AFDN: variants seen among roughly 807,000 people sequenced by gnomAD.
AFDN encodes afadin, adherens junction formation factor, also known as afadin.
In AFDN, 68 loss-of-function variants were observed where a neutral mutation model predicts 216.6. The ratio of observed to expected loss-of-function variants is 0.31; its 90% confidence interval spans 0.26 to 0.38. AFDN has a LOEUF of 0.38. AFDN is among the 10% of genes least tolerant of loss of function. The pLI is 1.00. For missense variants in AFDN, 2,136 were observed against 2,342.0 expected (o/e 0.91, Z 1.82); for synonymous variants, 868 against 853.7 (o/e 1.02, Z -0.29).
chr6:167,933,340 C>T (rs1793563325), intron 23 of AFDN, among the ~76,000 whole-genome samples: 1 of 152,160 alleles, frequency 6.6e-6, no homozygotes, highest in Admixed American at 6.5e-5. Flanking sequence ...CATAAGATTC[C>T]TATGCCCTAA....
At chr6:167,895,545 C>T (rs1312199559) in intron 9 of AFDN, among the ~76,000 whole-genome samples, 2 of 152,088 alleles carry the variant, frequency 1.3e-5, no homozygotes, top group South Asian at 2.1e-4. Flanking sequence ...TACCTTTACT[C>T]GATGTCACAG....
In AFDN at chr6:167,891,864, A is replaced by G. The variant is rs1211013481; in HGVS notation, c.1177+835A>G. On this transcript the variant is annotated intron_variant, in intron 8 of 33. Coordinates refer to ENST00000683244, the MANE Select transcript of AFDN (RefSeq NM_001386888.1). ...GTGGTGCACCCCCATCCCAAGCTGC[A>G]TCAAAAGAAAGCCCGAGTAGTAATC... Among the ~76,000 whole-genome samples the G allele has an allele frequency of 5.3e-5, 8 of 152,216 alleles. No homozygotes were observed. In the East Asian group the frequency reaches 1.3e-3, roughly 26 times the overall value.
At chr6:167,919,164 C>G (rs897623185) in intron 21 of AFDN, among the ~76,000 whole-genome samples, 56 of 152,260 alleles carry the variant, frequency 3.7e-4, no homozygotes, top group African/African-American at 1.3e-3. Context: ...AGCATCTGCT[C>G]TGCGCACTTG....
rs1583101844 is a variant in AFDN, at chr6:167,971,315, A to G, written c.*1380A>G. Reference sequence around the variant, plus strand: ...ATTTTCAAAGAGAATGTTCTCTTACATATGTTAGGAAAATAGGCACACTTT... The same window carrying G: ...ATTTTCAAAGAGAATGTTCTCTTACGTATGTTAGGAAAATAGGCACACTTT... On this transcript the variant is annotated 3_prime_UTR_variant, in exon 34 of 34. Coordinates refer to ENST00000683244, the MANE Select transcript of AFDN (RefSeq NM_001386888.1). 4.6e-6 allele frequency: 1 copy of G among 216,202 alleles called. No homozygotes were observed. Among genetic ancestry groups the G allele is most frequent in the East Asian group, 7.0e-5 (1 of 14,312 alleles). 13.4% of individuals were successfully genotyped at this position (216,202 alleles called of 1,614,324 possible).
intron 2 of AFDN, among the ~76,000 whole-genome samples, chr6:167,866,227 T>C (rs1044063959): frequency 7.2e-5 from 11 of 152,154 alleles, no homozygotes; most frequent in African/African-American, 2.7e-4. Context: ...TGAATTTGAT[T>C]TTTTAAAGAA....
intron 23 of AFDN, among the ~76,000 whole-genome samples, chr6:167,939,266 C>G (rs574188108): frequency 1.3e-5 from 2 of 152,292 alleles, no homozygotes; most frequent in African/African-American, 4.8e-5. Context: ...GTCAGTATTA[C>G]ATTAACCGGA....
intron 1 of AFDN, among the ~76,000 whole-genome samples, chr6:167,844,872 G>GTTTTTTTTTTTTTTTTT (rs1289118837): frequency 7.3e-6 from 1 of 137,402 alleles, no homozygotes; most frequent in Non-Finnish European, 1.6e-5. Context: ...TTTTTTTTTG[G>GTTTTTTTTTTTTTTTTT]TTTTTGAGAC....
At position 167,827,089 on chromosome 6, in the gene AFDN, C is replaced by G. The variant is rs915103246; in HGVS notation, c.-44C>G. On this transcript the variant is annotated 5_prime_UTR_variant, in exon 1 of 34. Transcript: ENST00000683244. ...GCGGACCTGTCGTCCTCGGCCCGTC[C>G]TCCGGCCCCGGCCCCGCGCGGCTGA... The G allele has an allele frequency of 5.7e-5, 63 of 1,109,196 alleles. No homozygotes were observed. The highest frequency in any genetic ancestry group is 7.1e-5 in the Non-Finnish European group (62 of 873,912). The allele number at this position is 1,109,196 out of a possible 1,614,324, so 68.7% of individuals were successfully genotyped here. A position where few individuals can be genotyped will look rare whatever the true frequency, so the allele number is the denominator to read the frequency against.
In AFDN at chr6:167,971,183, A is replaced by G. The variant is rs532537370; in HGVS notation, c.*1248A>G. On this transcript the variant is annotated 3_prime_UTR_variant, in exon 34 of 34. Transcript: ENST00000683244. ...CAAAGCCCTTGGTGGAGTCCAAATG[A>G]TTTTTCTGTACCATATTGTTCTCTT... 1.4e-4 allele frequency: 31 copies of G among 220,700 alleles called. No individual in the cohort carries two copies. The highest frequency in any genetic ancestry group is 2.1e-4 in the Non-Finnish European group (23 of 110,372). 13.7% of individuals were successfully genotyped at this position (220,700 alleles called of 1,614,324 possible).
chr6:167,958,995 G>C (rs929526552), intron 30 of AFDN, among the ~76,000 whole-genome samples: 4 of 152,228 alleles, frequency 2.6e-5, no homozygotes, highest in Middle Eastern at 3.2e-3. Context: ...CAAGGAATTA[G>C]GAGAAGAAAT....
intron 11 of AFDN, among the ~76,000 whole-genome samples, chr6:167,900,157 C>T (rs1009458195): frequency 7.2e-5 from 11 of 152,268 alleles, no homozygotes; most frequent in South Asian, 2.1e-4. Context: ...AGCTGCTTGG[C>T]GGCTGAACAT....
chr6:167,907,864 C>T (rs902706643), intron 13 of AFDN, among the ~76,000 whole-genome samples: 2 of 151,886 alleles, frequency 1.3e-5, no homozygotes, highest in African/African-American at 4.8e-5. Context: ...TGATTTTTAA[C>T]GTGTCACCTT....
chr6:167,859,071 G>GT (rs933336720), intron 1 of AFDN, among the ~76,000 whole-genome samples: 5,344 of 108,866 alleles, frequency 0.049, 276 homozygotes, highest in African/African-American at 0.14. Context: ...GGCCGTTCTT[G>GT]TTTTTTTTTT....
At chr6:167,872,557 G>A (rs1784908153) in intron 4 of AFDN, among the ~76,000 whole-genome samples, 180 bp downstream of exon 4, 1 of 152,224 alleles carries the variant, frequency 6.6e-6, no homozygotes, top group African/African-American at 2.4e-5. Context: ...TACCTAAGCA[G>A]GGTTCATTGC....
Position 167,898,247 on chromosome 6 carries a change from A to C in AFDN, c.1360A>C (p.Asn454His). The C allele has an allele frequency of 6.2e-7, 1 of 1,614,152 alleles. No individual in the cohort carries two copies. The highest frequency in any genetic ancestry group is 8.5e-7 in the Non-Finnish European group (1 of 1,180,030). Residue 454 changes from asparagine to histidine, a missense_variant, in exon 11 of 34, where the codon AAC (asparagine) becomes CAC (histidine). Physicochemically the swap from Asn to His is moderately conservative, Grantham distance 68. Coordinates refer to ENST00000683244, the MANE Select transcript of AFDN (RefSeq NM_001386888.1). ...GIQPHHCDLT[N>H]MDGVVTVTPR... ...TCAGCCCCATCACTGTGACCTTACC[A>C]ACATGGATGGAGTGGTCACTGTGAC...
intron 2 of AFDN, 74 bp from the exon 3 acceptor site, chr6:167,870,312 C>A: frequency 1.2e-6 from 1 of 837,738 alleles, no homozygotes. Flanking sequence ...AAATGTATAT[C>A]AGAATGCTTG....
intron 9 of AFDN, among the ~76,000 whole-genome samples, chr6:167,895,668 G>T (rs555235438): frequency 2.0e-5 from 3 of 152,276 alleles, no homozygotes; most frequent in African/African-American, 7.2e-5. Flanking sequence ...TCTTTTGTCT[G>T]TGAGAGTTTA....
intron 1 of AFDN, among the ~76,000 whole-genome samples, chr6:167,854,939 C>T (rs1167739971): frequency 6.6e-6 from 1 of 151,698 alleles, no homozygotes; most frequent in Non-Finnish European, 1.5e-5. Flanking sequence ...TTTTTAGTTA[C>T]TGTTTTCTTA....
At chr6:167,956,698 T>C (rs1171768019) in intron 30 of AFDN, among the ~76,000 whole-genome samples, 5 of 152,208 alleles carry the variant, frequency 3.3e-5, no homozygotes, top group Non-Finnish European at 7.3e-5. Flanking sequence ...GCCTTCCCCA[T>C]TTCAGCTGAT....
Sources: gnomAD v4.1 joint callset for allele counts (sites outside exome capture counted in the v4.1 genomes callset) on GRCh38, gnomAD v4.1.1 for gene constraint, MANE v1.5 for transcripts, NCBI Gene and HGNC (gene_info 2026-07-23, HGNC 2026-07-21) for gene names.